CCDC122: variants seen among roughly 807,000 people sequenced by gnomAD.
CCDC122 encodes the protein coiled-coil domain containing 122.
In CCDC122, 38 loss-of-function variants were observed where a neutral mutation model predicts 37.0. That is an observed-to-expected ratio of 1.03 (90% CI 0.79 to 1.35). CCDC122 has a LOEUF of 1.35. Among genes scored for constraint, CCDC122 ranks in the 40% most tolerant of loss-of-function variants. The probability of loss-of-function intolerance (pLI) is 0.00; values close to 1 mark genes in which losing one functional copy is unlikely to be tolerated. For synonymous variants in CCDC122, 83 were observed against 95.6 expected (o/e 0.87, Z 0.77); for missense variants, 305 against 310.0 (o/e 0.98, Z 0.12).
intron 6 of CCDC122, among the ~76,000 whole-genome samples, chr13:43,847,008 C>T (rs1445120823): frequency 6.6e-6 from 1 of 152,114 alleles, no homozygotes; most frequent in African/African-American, 2.4e-5. Flanking sequence ...CTTCTTGGTG[C>T]AAAGGGTTTG....
chr13:43,830,429 T>C (rs1175200255), intron 3 of CCDC122, among the ~76,000 whole-genome samples: 2 of 152,170 alleles, frequency 1.3e-5, no homozygotes, highest in African/African-American at 2.4e-5. Flanking sequence ...AGTGATTTAT[T>C]ATTGAAGTCT....
chr13:43,873,677 T>G (rs1222188911), intron 2 of CCDC122, among the ~76,000 whole-genome samples: 2 of 152,148 alleles, frequency 1.3e-5, no homozygotes, highest in Non-Finnish European at 2.9e-5. Flanking sequence ...CTGCATGCAG[T>G]TCTTTTGGCA....
chr13:43,860,580 T>C (rs1026176890), intron 4 of CCDC122, among the ~76,000 whole-genome samples: 1 of 151,860 alleles, frequency 6.6e-6, no homozygotes, highest in Admixed American at 6.6e-5. Flanking sequence ...CTGGGGCATT[T>C]TGCATTGCTA....
chr13:43,849,116 AT>A, intron 6 of CCDC122: 1 of 830,904 alleles, frequency 1.2e-6, no homozygotes, highest in Non-Finnish European at 1.5e-6. Flanking sequence ...TTAACTTTTC[AT>A]TTTTTAACTG....
intron 3 of CCDC122, among the ~76,000 whole-genome samples, chr13:43,824,362 G>C (rs189110998): frequency 2.6e-5 from 4 of 152,280 alleles, no homozygotes; most frequent in Admixed American, 2.6e-4. Context: ...CATAAGTTGT[G>C]ATAGAAACGG....
chr13:43,866,002 T>A (rs1298618869), intron 4 of CCDC122, among the ~76,000 whole-genome samples: 2 of 152,204 alleles, frequency 1.3e-5, no homozygotes, highest in Non-Finnish European at 2.9e-5. Flanking sequence ...ACTGTGATAC[T>A]GCCACAATCA....
intron 6 of CCDC122, 184 bp downstream of exon 6, chr13:43,858,597 A>C (rs1302993633): frequency 3.0e-6 from 1 of 329,688 alleles, no homozygotes; most frequent in African/African-American, 2.2e-5. Context: ...ACATATTTGA[A>C]CATCTTTGAA....
At chr13:43,877,258 A>G (rs913806873) in intron 1 of CCDC122, among the ~76,000 whole-genome samples, 22 of 152,222 alleles carry the variant, frequency 1.4e-4, no homozygotes, top group African/African-American at 5.3e-4. Context: ...GCAGAATTCC[A>G]ATCAGTAGAC....
chr13:43,867,178 C>A (rs1195580084), intron 4 of CCDC122, among the ~76,000 whole-genome samples: 1 of 151,990 alleles, frequency 6.6e-6, no homozygotes, highest in Non-Finnish European at 1.5e-5. Flanking sequence ...AGAATTCTTT[C>A]TAAAATATAA....
At chr13:43,857,955 T>G (rs1270147531) in intron 6 of CCDC122, among the ~76,000 whole-genome samples, 1 of 152,134 alleles carries the variant, frequency 6.6e-6, no homozygotes, top group African/African-American at 2.4e-5. Flanking sequence ...CTTTTACCAC[T>G]GATACACTGT....
chr13:43,871,763 G>A (rs1446317348), intron 2 of CCDC122, among the ~76,000 whole-genome samples: 2 of 152,084 alleles, frequency 1.3e-5, no homozygotes, highest in African/African-American at 2.4e-5. Context: ...TAAGTCTGGA[G>A]ATGAAACATT....
rs527689565 is a variant in CCDC122 at position 43,869,996 on chromosome 13, G to A, written c.-113-507C>T. Reference sequence around the variant, plus strand: ...TTAGGAGTAATGATAGGAGGAATAAGTATTTTTCTCCTTAAATCACTAAAT... The same window carrying A: ...TTAGGAGTAATGATAGGAGGAATAAATATTTTTCTCCTTAAATCACTAAAT... On this transcript the variant is annotated intron_variant, in intron 2 of 6. Transcript: ENST00000444614. 2.0e-5 allele frequency among the ~76,000 whole-genome samples: 3 copies of A among 152,124 alleles called. No individual in the cohort carries two copies. The East Asian group carries it at 5.8e-4, about 29-fold the overall frequency.
At chr13:43,873,960 T>C (rs1287533876) in intron 2 of CCDC122, among the ~76,000 whole-genome samples, 1 of 152,176 alleles carries the variant, frequency 6.6e-6, no homozygotes, top group Non-Finnish European at 1.5e-5. Flanking sequence ...TTTGCCCTTT[T>C]CTAACAGAAT....
chr13:43,863,065 C>T (rs1954163086), intron 4 of CCDC122, among the ~76,000 whole-genome samples: 1 of 151,928 alleles, frequency 6.6e-6, no homozygotes. Flanking sequence ...TCGAACTTTA[C>T]AATTTGATGA....
At chr13:43,824,446 T>A (rs1953020678) in intron 3 of CCDC122, among the ~76,000 whole-genome samples, 1 of 152,142 alleles carries the variant, frequency 6.6e-6, no homozygotes, top group African/African-American at 2.4e-5. Context: ...CCTCAAACTA[T>A]AAAATCCTAG....
intron 4 of CCDC122, among the ~76,000 whole-genome samples, chr13:43,863,295 T>C (rs192780380): frequency 7.5e-4 from 114 of 152,298 alleles, no homozygotes; most frequent in African/African-American, 2.6e-3. Context: ...TTTTAAGTCT[T>C]ATTTCAATAA....
At chr13:43,841,864 T>G (rs189406684) in intron 6 of CCDC122, among the ~76,000 whole-genome samples, 8 of 152,174 alleles carry the variant, frequency 5.3e-5, no homozygotes, top group Admixed American at 4.6e-4. Flanking sequence ...GTGTGCGCCA[T>G]CACACTGACT....
chr13:43,849,282 G>A (rs1449348283), intron 6 of CCDC122: 1 of 164,380 alleles, frequency 6.1e-6, no homozygotes. Context: ...AAAAACAGAA[G>A]TCTTAATCTC....
At chr13:43,834,604 A>C (rs1207249392), downstream of CCDC122, among the ~76,000 whole-genome samples, 1 of 152,220 alleles carries the variant, frequency 6.6e-6, no homozygotes. Context: ...AACCCCAACA[A>C]ATTTATAAGA....
Sources: gnomAD v4.1 joint callset for allele counts (sites outside exome capture counted in the v4.1 genomes callset) on GRCh38, gnomAD v4.1.1 for gene constraint, MANE v1.5 for transcripts, NCBI Gene and HGNC (gene_info 2026-07-23, HGNC 2026-07-21) for gene names.